Variants in SDCCAG8 observed in about 807,000 individuals in gnomAD.
The protein encoded by SDCCAG8 is serologically defined colon cancer antigen 8.
In SDCCAG8, 74 loss-of-function variants were observed where a neutral mutation model predicts 101.8. That is an observed-to-expected ratio of 0.73 (90% confidence interval 0.60 to 0.88). SDCCAG8 has a LOEUF of 0.88. SDCCAG8 is among the 40% of genes least tolerant of loss of function. The probability of loss-of-function intolerance (pLI) is 0.00; values close to 1 mark genes in which losing one functional copy is unlikely to be tolerated. For missense variants in SDCCAG8, 787 were observed against 822.6 expected, an observed-to-expected ratio of 0.96 and a Z score of 0.53; for synonymous variants, 281 against 292.9, an observed-to-expected ratio of 0.96 and a Z score of 0.41.
intron 6 of SDCCAG8, chr1:243,293,583 AT>A: frequency 2.4e-6 from 1 of 418,018 alleles, no homozygotes; most frequent in East Asian, 6.9e-5. Flanking sequence ...TTCCCTTAGC[AT>A]AATATTTTCA....
intron 16 of SDCCAG8, among the ~76,000 whole-genome samples, chr1:243,478,985 C>T (rs1383207608): frequency 2.9e-5 from 4 of 137,526 alleles, no homozygotes; most frequent in Non-Finnish European, 4.7e-5. Context: ...AAAGAAAGTG[C>T]CTTAATGTTC....
intron 3 of SDCCAG8, among the ~76,000 whole-genome samples, chr1:243,273,529 T>C (rs2068268062): frequency 6.6e-6 from 1 of 152,232 alleles, no homozygotes; most frequent in South Asian, 2.1e-4. Flanking sequence ...GTCTCTACTT[T>C]AGGGTTCTAC....
At chr1:243,293,296 AAT>A in intron 6 of SDCCAG8, 77 bp downstream of exon 6, 1 of 1,435,656 alleles carries the variant, frequency 7.0e-7, no homozygotes, top group Non-Finnish European at 9.6e-7. Context: ...ATTCTGGTAA[AAT>A]ATATATAACA....
intron 12 of SDCCAG8, among the ~76,000 whole-genome samples, chr1:243,366,859 AT>A (rs1297242073): frequency 6.6e-6 from 1 of 152,068 alleles, no homozygotes; most frequent in Non-Finnish European, 1.5e-5. Context: ...ATATACATGT[AT>A]ATAAAATTAT....
chr1:243,475,494 A>T (rs912070853), intron 16 of SDCCAG8, among the ~76,000 whole-genome samples: 2 of 151,994 alleles, frequency 1.3e-5, no homozygotes, highest in African/African-American at 4.8e-5. Context: ...TGTGGGAAGG[A>T]TGTGTATGGG....
chr1:243,355,067 A>G (rs887967393), intron 12 of SDCCAG8, among the ~76,000 whole-genome samples: 1 of 152,186 alleles, frequency 6.6e-6, no homozygotes, highest in African/African-American at 2.4e-5. Context: ...AATGAGTTGC[A>G]AGGTGTTTAG....
chr1:243,408,799 A>G (rs1052715286), intron 13 of SDCCAG8, among the ~76,000 whole-genome samples: 1 of 152,178 alleles, frequency 6.6e-6, no homozygotes, highest in Non-Finnish European at 1.5e-5. Context: ...CCTACTTTAT[A>G]TGGTTGGTAT....
chr1:243,330,559 A>G lies in SDCCAG8; in HGVS notation c.1088A>G (p.Gln363Arg). 1 of 1,614,084 alleles carries G rather than the reference A, an allele frequency of 6.2e-7. No homozygotes were observed. The highest frequency in any genetic ancestry group is 8.5e-7 in the Non-Finnish European group (1 of 1,179,994). Residue 363 changes from glutamine to arginine, a missense_variant, in exon 10 of 18, where the codon CAG (glutamine) becomes CGG (arginine). Gln to Arg is a conservative substitution (Grantham distance 43). Transcript: ENST00000366541. ...TGGCAGGCTTTAATCCAGTGTGACC[A>G]GTTGAGGAAGGAGCTGGAGAGGCAG... ...EKTKALIQCD[Q>R]LRKELERQAE...
chr1:243,307,749 C>CTTA (rs2072300851), intron 7 of SDCCAG8: 5 of 1,410,638 alleles, frequency 3.5e-6, no homozygotes, highest in Non-Finnish European at 3.7e-6. Context: ...ATATTAAAAT[C>CTTA]TTACAAGAAC....
At chr1:243,468,464 C>G (rs970567589) in intron 16 of SDCCAG8, among the ~76,000 whole-genome samples, 1 of 152,164 alleles carries the variant, frequency 6.6e-6, no homozygotes, top group African/African-American at 2.4e-5. Flanking sequence ...GTGATCCACC[C>G]GCCTCAGCCT....
intron 16 of SDCCAG8, among the ~76,000 whole-genome samples, chr1:243,468,159 G>A (rs1041711911): frequency 6.6e-6 from 1 of 151,814 alleles, no homozygotes; most frequent in African/African-American, 2.4e-5. Flanking sequence ...GCATCTCTTA[G>A]CCTCAGTTTC....
At chr1:243,317,003 A>C in intron 9 of SDCCAG8, 110 bp downstream of exon 9, 1 of 1,123,924 alleles carries the variant, frequency 8.9e-7, no homozygotes, top group Admixed American at 2.3e-5. Flanking sequence ...TCAAACACAC[A>C]AAGTGAATTA....
intron 16 of SDCCAG8, among the ~76,000 whole-genome samples, chr1:243,485,203 CTT>C (rs1429161300): frequency 2.6e-5 from 4 of 152,200 alleles, no homozygotes; most frequent in Admixed American, 6.5e-5. Context: ...ACTTGTGTGA[CTT>C]TGTGCAAGTT....
chr1:243,289,607 T>C (rs2070013775), intron 5 of SDCCAG8, among the ~76,000 whole-genome samples: 1 of 152,220 alleles, frequency 6.6e-6, no homozygotes, highest in Admixed American at 6.5e-5. Flanking sequence ...GCAGGTGTTA[T>C]TATCTCTGTT....
chr1:243,312,072 C>A (rs143975025), intron 8 of SDCCAG8, among the ~76,000 whole-genome samples: 1 of 152,176 alleles, frequency 6.6e-6, no homozygotes, highest in Non-Finnish European at 1.5e-5. Flanking sequence ...TAACACTGAG[C>A]GGATTCTGCT....
At chr1:243,294,009 G>A (rs2070538883) in intron 6 of SDCCAG8, among the ~76,000 whole-genome samples, 1 of 152,008 alleles carries the variant, frequency 6.6e-6, no homozygotes, top group Middle Eastern at 3.2e-3. Flanking sequence ...TTTATAATGT[G>A]TTTTCCTGAT....
At chr1:243,434,814 G>A (rs1042752215) in intron 16 of SDCCAG8, among the ~76,000 whole-genome samples, 2 of 152,130 alleles carry the variant, frequency 1.3e-5, no homozygotes, top group African/African-American at 4.8e-5. Flanking sequence ...GTGGGAGTTA[G>A]AATTTTGATC....
chr1:243,272,149 A>T (rs2068142658), intron 3 of SDCCAG8, among the ~76,000 whole-genome samples: 1 of 152,212 alleles, frequency 6.6e-6, no homozygotes, highest in Non-Finnish European at 1.5e-5. Flanking sequence ...ATGAGATAAG[A>T]TTACATACTT....
At chr1:243,334,806 G>A (rs12065580) in intron 10 of SDCCAG8, among the ~76,000 whole-genome samples, 39,184 of 151,870 alleles carry the variant, frequency 0.26, 5,257 homozygotes, top group South Asian at 0.45. Flanking sequence ...CAGGCTGATC[G>A]CGAACTCCTG....
Sources: gnomAD v4.1 joint callset for allele counts (sites outside exome capture counted in the v4.1 genomes callset) on GRCh38, gnomAD v4.1.1 for gene constraint, MANE v1.5 for transcripts, NCBI Gene and HGNC (gene_info 2026-07-23, HGNC 2026-07-21) for gene names.